The following ZMIZ1 variants were observed in gnomAD, a reference collection of about 807,000 sequenced individuals.
ZMIZ1 encodes zinc finger MIZ-type containing 1, also known as zinc finger MIZ domain-containing protein 1.
Under a neutral mutation model 113.9 loss-of-function variants are expected in ZMIZ1, and 17 were observed. The ratio of observed to expected loss-of-function variants is 0.15; its 90% CI spans 0.10 to 0.22. ZMIZ1 has a LOEUF of 0.22. Among genes scored for constraint, ZMIZ1 ranks in the 10% least tolerant of loss-of-function variants. The pLI is 1.00. For missense variants in ZMIZ1, 1,059 were observed against 1,477.8 expected (o/e 0.72, Z 4.65); for synonymous variants, 607 against 603.1 (o/e 1.01, Z -0.09).
chr10:79,122,853 C>T (rs1018966239), intron 2 of ZMIZ1, among the ~76,000 whole-genome samples: 16 of 152,152 alleles, frequency 1.1e-4, no homozygotes, highest in African/African-American at 3.4e-4. Flanking sequence ...GCTCCACCCT[C>T]GGCCGCCTCA....
In ZMIZ1 at chr10:79,313,460, T is replaced by A. The variant is rs1350470354; in HGVS notation, c.*711T>A. The A allele has an allele frequency of 9.6e-5, 15 of 156,932 alleles. No individual in the cohort carries two copies. The highest frequency in any genetic ancestry group is 9.4e-4 in the Admixed American group (15 of 15,940). 9.7% of individuals were successfully genotyped at this position (156,932 alleles called of 1,614,324 possible). On this transcript the variant is annotated 3_prime_UTR_variant, in exon 25 of 25. Transcript: ENST00000334512. ...TCTGCCATTCCTGCTTGGGGACTGG[T>A]GGGGAAGAGGGCCAGGACATCTTCT...
intron 24 of ZMIZ1, 117 bp downstream of exon 24, chr10:79,311,301 T>TGGGGGGG: frequency 4.3e-5 from 5 of 116,960 alleles, no homozygotes; most frequent in East Asian, 3.8e-4. Context: ...GGGTGGGCGG[T>TGGGGGGG]GGGAGGGCTT....
intron 4 of ZMIZ1, among the ~76,000 whole-genome samples, chr10:79,162,624 G>A (rs1273613581): frequency 1.3e-5 from 2 of 152,198 alleles, no homozygotes; most frequent in African/African-American, 4.8e-5. Context: ...TGGCATGCAT[G>A]GTTACTCTGT....
At chr10:79,085,052 C>T (rs145138515) in intron 1 of ZMIZ1, among the ~76,000 whole-genome samples, 94 of 152,292 alleles carry the variant, frequency 6.2e-4, no homozygotes, top group African/African-American at 2.1e-3. Flanking sequence ...ATTCTGGTGC[C>T]GTGCCATGTA....
rs538013376 is a variant in ZMIZ1, at chr10:79,088,253, G to A, written c.-337+18983G>A. Among the ~76,000 whole-genome samples, 7 of 152,348 alleles carry A rather than the reference G, an allele frequency of 4.6e-5. No homozygotes were observed. In the East Asian group the frequency reaches 7.7e-4, roughly 17 times the overall value. On this transcript the variant is annotated intron_variant, in intron 1 of 24. Transcript: ENST00000334512. ...GTGAGCTTGCTGTGCCTGCATTGCCGCTGCCCAGGCTTGGCTTCCTGGGAG... is the reference window on the plus strand; with the variant it reads ...GTGAGCTTGCTGTGCCTGCATTGCCACTGCCCAGGCTTGGCTTCCTGGGAG...
intron 1 of ZMIZ1, among the ~76,000 whole-genome samples, chr10:79,095,886 G>A (rs2132243458): frequency 6.6e-6 from 1 of 152,326 alleles, no homozygotes; most frequent in Middle Eastern, 3.4e-3. Context: ...AGCGCTAAAG[G>A]CACCTTGTGT....
chr10:79,255,503 A>G (rs942791), intron 7 of ZMIZ1, among the ~76,000 whole-genome samples: 104,877 of 152,102 alleles, frequency 0.69, 36,484 homozygotes, highest in East Asian at 0.92. Context: ...ACCTCTGTGT[A>G]TATCTGCGTT....
rs908306535 is a variant in ZMIZ1 at position 79,114,214 on chromosome 10, A to G, written c.-336-4701A>G. 2.0e-4 allele frequency among the ~76,000 whole-genome samples: 31 copies of G among 152,358 alleles called. 1 individual carries two copies. Among genetic ancestry groups the G allele is most frequent in the Admixed American group, 1.8e-3 (28 of 15,308 alleles). On this transcript the variant is annotated intron_variant, in intron 1 of 24. Coordinates refer to ENST00000334512, the MANE Select transcript of ZMIZ1 (RefSeq NM_020338.4). ...AAACACCCCAGTGGAAACTGCATGAATGATTGATAAGAGCTGAGAGCTGTT... is the reference window on the plus strand; with the variant it reads ...AAACACCCCAGTGGAAACTGCATGAGTGATTGATAAGAGCTGAGAGCTGTT...
At chr10:79,196,366 G>GC (rs928352672) in intron 4 of ZMIZ1, among the ~76,000 whole-genome samples, 9 of 152,310 alleles carry the variant, frequency 5.9e-5, no homozygotes, top group Admixed American at 2.6e-4. Context: ...TGGGAGCAAA[G>GC]CCCCCCTGGG....
intron 10 of ZMIZ1, among the ~76,000 whole-genome samples, chr10:79,291,776 C>T (rs1312193252): frequency 6.6e-6 from 1 of 152,210 alleles, no homozygotes; most frequent in Non-Finnish European, 1.5e-5. Flanking sequence ...GGGTTTCTGG[C>T]CTGGGGTTGG....
chr10:79,086,617 G>T (rs1051085387), intron 1 of ZMIZ1, among the ~76,000 whole-genome samples: 95 of 152,158 alleles, frequency 6.2e-4, no homozygotes, highest in Admixed American at 1.7e-3. Flanking sequence ...GGACTCAAGC[G>T]ATCCTCCCAC....
intron 4 of ZMIZ1, among the ~76,000 whole-genome samples, chr10:79,193,228 C>A (rs1386658048): frequency 2.0e-5 from 3 of 152,198 alleles, no homozygotes; most frequent in African/African-American, 7.2e-5. Context: ...ATGTTTAAAA[C>A]AATTCTTTAA....
intron 4 of ZMIZ1, among the ~76,000 whole-genome samples, chr10:79,166,866 G>A (rs1846372541): frequency 6.6e-6 from 1 of 152,230 alleles, no homozygotes; most frequent in South Asian, 2.1e-4. Flanking sequence ...GCCTTGGTCA[G>A]CCAGTCTTCC....
At position 79,300,713 on chromosome 10, in the gene ZMIZ1, A is replaced by C. The variant is rs766204914; in HGVS notation, c.1809-19A>C. ...GCCCCCTGGCAGAGCTGCCCTGAGCACCCTCGTTCCCCACCTAGGTCTGAC... is the reference window on the plus strand; with the variant it reads ...GCCCCCTGGCAGAGCTGCCCTGAGCCCCCTCGTTCCCCACCTAGGTCTGAC... On this transcript the variant is annotated intron_variant, in intron 16 of 24. Coordinates refer to ENST00000334512, the MANE Select transcript of ZMIZ1 (RefSeq NM_020338.4). The C allele has an allele frequency of 2.5e-5, 40 of 1,611,074 alleles. No individual in the cohort carries two copies. In the African/African-American group the frequency reaches 4.8e-4, roughly 19 times the overall value.
intron 4 of ZMIZ1, among the ~76,000 whole-genome samples, chr10:79,193,155 G>A (rs956404069): frequency 6.6e-6 from 1 of 152,232 alleles, no homozygotes; most frequent in South Asian, 2.1e-4. Flanking sequence ...CCTTTAAGGT[G>A]AGGAAGTCAT....
intron 4 of ZMIZ1, among the ~76,000 whole-genome samples, chr10:79,195,628 C>T (rs933833067): frequency 6.6e-6 from 1 of 152,248 alleles, no homozygotes; most frequent in African/African-American, 2.4e-5. Flanking sequence ...CCTCTGCTGG[C>T]CACCAGGTGC....
At chr10:79,202,205 A>AG (rs1848121530) in intron 5 of ZMIZ1, among the ~76,000 whole-genome samples, 1 of 138,904 alleles carries the variant, frequency 7.2e-6, no homozygotes, top group African/African-American at 2.7e-5. Flanking sequence ...AAAAAAAAAA[A>AG]AAAAAAAAAG....
intron 4 of ZMIZ1, among the ~76,000 whole-genome samples, chr10:79,181,107 G>A (rs568169525): frequency 3.9e-5 from 6 of 152,332 alleles, no homozygotes; most frequent in Admixed American, 6.5e-5. Flanking sequence ...CCACTGAGAC[G>A]GACCAAGAGT....
intron 7 of ZMIZ1, among the ~76,000 whole-genome samples, chr10:79,227,358 A>G (rs1056448832): frequency 2.0e-5 from 3 of 152,162 alleles, no homozygotes; most frequent in African/African-American, 4.8e-5. Context: ...GTCAGCCCCA[A>G]TTTCAGATAT....
Sources: gnomAD v4.1 joint callset for allele counts (sites outside exome capture counted in the v4.1 genomes callset) on GRCh38, gnomAD v4.1.1 for gene constraint, MANE v1.5 for transcripts, NCBI Gene and HGNC (gene_info 2026-07-23, HGNC 2026-07-21) for gene names.